The following PLXNA4 variants were observed in gnomAD, a reference collection of about 807,000 sequenced individuals.
The protein encoded by PLXNA4 is plexin-A4.
In PLXNA4, 44 loss-of-function variants were observed where a neutral mutation model predicts 191.8. That is an observed-to-expected ratio of 0.23 (90% confidence interval 0.18 to 0.29). PLXNA4 has a LOEUF of 0.29. PLXNA4 is among the 10% of genes least tolerant of loss of function. PLXNA4 has a pLI of 1.00. For synonymous variants in PLXNA4, 1,082 were observed against 1,009.5 expected, an observed-to-expected ratio of 1.07 and a Z score of -1.36; for missense variants, 1,800 against 2,488.8, an observed-to-expected ratio of 0.72 and a Z score of 5.89.
At chr7:132,510,799 G>A (rs1296021308) in intron 1 of PLXNA4, among the ~76,000 whole-genome samples, 1 of 152,180 alleles carries the variant, frequency 6.6e-6, no homozygotes, top group Admixed American at 6.5e-5. Context: ...AGAAGCATGG[G>A]CATATCACAT....
chr7:132,532,546 T>C lies in PLXNA4; in HGVS notation c.-86-23767A>G, dbSNP rs889043896. On this transcript the variant is annotated intron_variant, in intron 1 of 31. Transcript: ENST00000321063. ...AAATATGACATCATACCATCCTTTA[T>C]GCACAATGCATTATCCTTCATATGT... Among the ~76,000 whole-genome samples, 3 of 152,370 alleles carry C rather than the reference T, an allele frequency of 2.0e-5. No homozygotes were observed. In the South Asian group the frequency reaches 6.2e-4, roughly 32 times the overall value.
intron 3 of PLXNA4, among the ~76,000 whole-genome samples, chr7:132,402,805 G>T (rs1794050135): frequency 6.6e-6 from 1 of 152,194 alleles, no homozygotes; most frequent in Non-Finnish European, 1.5e-5. Context: ...AGACAGGTCT[G>T]GCTGGGAACG....
chr7:132,549,379 C>G (rs1012232984), intron 1 of PLXNA4, among the ~76,000 whole-genome samples: 1 of 152,130 alleles, frequency 6.6e-6, no homozygotes, highest in African/African-American at 2.4e-5. Context: ...TTATTAACTA[C>G]TCACACCCTT....
intron 4 of PLXNA4, among the ~76,000 whole-genome samples, chr7:132,282,752 A>C (rs1388550362): frequency 1.3e-5 from 2 of 151,016 alleles, no homozygotes; most frequent in Non-Finnish European, 2.9e-5. Flanking sequence ...AACACTAAAG[A>C]GGCAAAAGGG....
intron 2 of PLXNA4, among the ~76,000 whole-genome samples, chr7:132,583,812 T>C (rs1802454879): frequency 1.3e-5 from 2 of 152,124 alleles, no homozygotes; most frequent in Admixed American, 6.5e-5. Flanking sequence ...CCTTCACAAA[T>C]GTGAGATGTC....
At chr7:132,446,894 C>T (rs1339973515) in intron 3 of PLXNA4, among the ~76,000 whole-genome samples, 1 of 152,328 alleles carries the variant, frequency 6.6e-6, no homozygotes, top group Non-Finnish European at 1.5e-5. Context: ...ACACACACAC[C>T]TTTGAATTCC....
At chr7:132,596,057 A>C (rs1802705269) in intron 2 of PLXNA4, among the ~76,000 whole-genome samples, 1 of 152,258 alleles carries the variant, frequency 6.6e-6, no homozygotes, top group Non-Finnish European at 1.5e-5. Context: ...AGATCCAATC[A>C]AAATTCACAC....
intron 3 of PLXNA4, among the ~76,000 whole-genome samples, chr7:132,391,016 C>T (rs576857413): frequency 6.6e-6 from 1 of 152,340 alleles, no homozygotes; most frequent in South Asian, 2.1e-4. Flanking sequence ...GCATCACAGT[C>T]TTAGGGAGTT....
rs147044268 is a variant in PLXNA4 at position 132,569,745 on chromosome 7, C to T, written c.-87+6677G>A. Among the ~76,000 whole-genome samples the T allele has an allele frequency of 1.1e-3, 168 of 152,278 alleles. 1 individual carries two copies. In the Middle Eastern group the frequency reaches 0.02, roughly 18 times the overall value. On this transcript the variant is annotated intron_variant, in intron 1 of 31. Coordinates refer to ENST00000321063, the MANE Select transcript of PLXNA4 (RefSeq NM_020911.2). ...ATCTAGGAACCTAAGAAAATGGACA[C>T]GTGCCTAAGTAGCTGTCTCTTTCCT... is the stretch of plus-strand genomic sequence containing the variant.
At chr7:132,210,109 G>C (rs6952566) in intron 10 of PLXNA4, among the ~76,000 whole-genome samples, 15 of 152,058 alleles carry the variant, frequency 9.9e-5, no homozygotes, top group Admixed American at 3.9e-4. Flanking sequence ...CTTTTGTGCA[G>C]TGAAGAAAAA....
At chr7:132,510,990 A>G (rs1256018579) in intron 1 of PLXNA4, among the ~76,000 whole-genome samples, 1 of 152,008 alleles carries the variant, frequency 6.6e-6, no homozygotes, top group African/African-American at 2.4e-5. Context: ...AGGCCCCCAG[A>G]GAGGAGCCTC....
At chr7:132,383,057 G>A (rs1210651339) in intron 3 of PLXNA4, among the ~76,000 whole-genome samples, 4 of 152,044 alleles carry the variant, frequency 2.6e-5, no homozygotes, top group Non-Finnish European at 5.9e-5. Flanking sequence ...TCCTTTGTAG[G>A]AAACCCTTAA....
intron 3 of PLXNA4, among the ~76,000 whole-genome samples, chr7:132,322,700 C>T (rs1802220602): frequency 6.6e-6 from 1 of 152,202 alleles, no homozygotes; most frequent in Non-Finnish European, 1.5e-5. Flanking sequence ...GTTGGAGACA[C>T]TCATCTCCTC....
chr7:132,531,753 C>T (rs1159625134), intron 1 of PLXNA4, among the ~76,000 whole-genome samples: 2 of 152,198 alleles, frequency 1.3e-5, no homozygotes, highest in East Asian at 3.9e-4. Context: ...CTTAACGATG[C>T]ATCAGAATCA....
At chr7:132,289,542 T>A (rs1214905593) in intron 4 of PLXNA4, among the ~76,000 whole-genome samples, 1 of 152,148 alleles carries the variant, frequency 6.6e-6, no homozygotes, top group East Asian at 1.9e-4. Context: ...TTTATTTATT[T>A]TTTTTTTAGA....
chr7:132,518,713 G>A (rs1301003694), intron 1 of PLXNA4, among the ~76,000 whole-genome samples: 1 of 152,180 alleles, frequency 6.6e-6, no homozygotes, highest in Non-Finnish European at 1.5e-5. Flanking sequence ...GATTACCATG[G>A]ACAGAGCCTT....
chr7:132,199,505 G>A (rs1202233167), intron 12 of PLXNA4, among the ~76,000 whole-genome samples: 2 of 152,144 alleles, frequency 1.3e-5, no homozygotes, highest in Non-Finnish European at 2.9e-5. Flanking sequence ...TTTGAGGTGA[G>A]GGCTGTACAG....
Position 132,159,606 on chromosome 7 carries a change from A to G in PLXNA4, c.4527T>C (p.Asn1509=), listed in dbSNP as rs770749363. 1.3e-5 allele frequency: 21 copies of G among 1,613,948 alleles called. No individual in the cohort carries two copies. Among genetic ancestry groups the G allele is most frequent in the African/African-American group, 2.7e-5 (2 of 74,898 alleles). The change falls in exon 25 of 32, where the codon AAT becomes AAC. Residue 1509 remains asparagine (N), a synonymous_variant. Transcript: ENST00000321063. ...TLVLSCVSPD[N]ANSPEVPVKI... is the part of the protein sequence containing the mutation. ...TTACTGGGACCTCGGGGCTGTTGGC[A>G]TTGTCTGGGCTGACACAGCTCAGGA...
intron 3 of PLXNA4, among the ~76,000 whole-genome samples, chr7:132,318,694 C>A (rs34855788): frequency 7.1e-6 from 1 of 141,058 alleles, no homozygotes; most frequent in South Asian, 2.3e-4. Flanking sequence ...TAATTCTTCT[C>A]CCCCACTCCA....
Sources: allele counts gnomAD v4.1 joint callset (sites outside exome capture counted in the v4.1 genomes callset), GRCh38; gene constraint gnomAD v4.1.1; transcripts MANE v1.5; gene names NCBI Gene and HGNC (gene_info 2026-07-23, HGNC 2026-07-21).